GSG1L: variants seen among roughly 807,000 people sequenced by gnomAD.
GSG1L encodes the protein germ cell-specific gene 1-like protein.
In GSG1L, 24 loss-of-function variants were observed where a neutral mutation model predicts 42.1. The observed-to-expected ratio is 0.57, with a 90% confidence interval of 0.41 to 0.80. The LOEUF (loss-of-function observed/expected upper bound fraction) is 0.80, where lower values mean the gene tolerates loss of function less well. Among genes scored for constraint, GSG1L ranks in the 30% least tolerant of loss-of-function variants. The pLI, the probability that GSG1L is intolerant of heterozygous loss-of-function variation, is 0.00. For synonymous variants in GSG1L, 215 were observed against 203.5 expected, an observed-to-expected ratio of 1.06 and a Z score of -0.48; for missense variants, 445 against 472.2, an observed-to-expected ratio of 0.94 and a Z score of 0.53.
chr16:27,996,414 G>A (rs961889759), intron 1 of GSG1L, among the ~76,000 whole-genome samples: 4 of 143,084 alleles, frequency 2.8e-5, no homozygotes, highest in Non-Finnish European at 6.0e-5. Flanking sequence ...TATTTTAATG[G>A]CAAAGGACTG....
At chr16:27,875,588 G>A (rs895487982) in intron 3 of GSG1L, among the ~76,000 whole-genome samples, 1 of 152,188 alleles carries the variant, frequency 6.6e-6, no homozygotes, top group Non-Finnish European at 1.5e-5. Context: ...CTTGTATCAA[G>A]CAGTTCATTT....
chr16:27,926,798 C>T (rs1252355140), intron 2 of GSG1L, among the ~76,000 whole-genome samples: 1 of 152,160 alleles, frequency 6.6e-6, no homozygotes, highest in South Asian at 2.1e-4. Context: ...GAAGGAGTCA[C>T]GTAAGTCAAG....
intron 1 of GSG1L, among the ~76,000 whole-genome samples, chr16:28,053,941 G>A (rs2086249110): frequency 6.6e-6 from 1 of 151,824 alleles, no homozygotes; most frequent in South Asian, 2.1e-4. Context: ...CTCTCTCCTC[G>A]CTCGCTCCCT....
In GSG1L at chr16:27,884,079, G is replaced by T. The variant is rs2083997048; in HGVS notation, c.550+407C>A. On this transcript the variant is annotated intron_variant, in intron 3 of 6. Transcript: ENST00000447459. The surrounding 1 kb of genome is among the most constrained non-coding windows in gnomAD (Gnocchi z 4.4). ...GCGACGTGCCCTCCACCCCAAAGTG[G>T]CTTCTCTTTTACATCCCAGGGAAAG... 6.6e-6 allele frequency among the ~76,000 whole-genome samples: 1 copy of T among 152,186 alleles called. No homozygotes were observed.
At chr16:27,845,828 A>T (rs916726720) in intron 3 of GSG1L, among the ~76,000 whole-genome samples, 1 of 151,902 alleles carries the variant, frequency 6.6e-6, no homozygotes. Flanking sequence ...TTCCTTATCA[A>T]TTGGTAGGAA....
At chr16:27,955,938 AAGGAAGGG>A (rs1388018081) in intron 2 of GSG1L, among the ~76,000 whole-genome samples, 17 of 150,150 alleles carry the variant, frequency 1.1e-4, no homozygotes, top group African/African-American at 4.2e-4. Flanking sequence ...AGAAGGAAGG[AAGGAAGGG>A]AGGAAGGAAG....
chr16:27,809,220 C>T (rs62031096), intron 5 of GSG1L, among the ~76,000 whole-genome samples: 23,882 of 151,924 alleles, frequency 0.16, 2,047 homozygotes, highest in Middle Eastern at 0.21. Context: ...TAGCAAGACC[C>T]TAATCTCTAG....
intron 3 of GSG1L, among the ~76,000 whole-genome samples, chr16:27,846,956 CAAAA>C (rs5816450): frequency 2.6e-5 from 3 of 113,516 alleles, no homozygotes; most frequent in African/African-American, 6.4e-5. Flanking sequence ...GACTCCGTCT[CAAAA>C]AAAAAAAAAA....
chr16:27,819,527 A>G (rs1207076907), intron 5 of GSG1L, among the ~76,000 whole-genome samples: 1 of 152,178 alleles, frequency 6.6e-6, no homozygotes, highest in African/African-American at 2.4e-5. Flanking sequence ...AGACGTGAGG[A>G]TACCTGAGGC....
At chr16:27,896,076 A>T (rs771908577) in intron 2 of GSG1L, among the ~76,000 whole-genome samples, 1 of 152,166 alleles carries the variant, frequency 6.6e-6, no homozygotes, top group African/African-American at 2.4e-5. Context: ...CTGCATTGTC[A>T]TCAGGTCCCT....
At chr16:28,025,672 C>T (rs1253256821) in intron 1 of GSG1L, among the ~76,000 whole-genome samples, 3 of 152,218 alleles carry the variant, frequency 2.0e-5, no homozygotes, top group Non-Finnish European at 4.4e-5. Flanking sequence ...AATAAATGAG[C>T]AAGAGAGAGC....
intron 2 of GSG1L, among the ~76,000 whole-genome samples, chr16:27,941,136 G>GA (rs1394876142): frequency 1.3e-5 from 2 of 151,790 alleles, no homozygotes; most frequent in African/African-American, 4.8e-5. Context: ...GGCATCAAAG[G>GA]AAAAAATAGA....
At chr16:27,928,850 A>G (rs1277732217) in intron 2 of GSG1L, among the ~76,000 whole-genome samples, 2 of 152,230 alleles carry the variant, frequency 1.3e-5, no homozygotes, top group Non-Finnish European at 2.9e-5. Flanking sequence ...AGGGGCTTAG[A>G]GTCTGGCTAA....
At chr16:27,832,268 C>T (rs867158947) in intron 4 of GSG1L, among the ~76,000 whole-genome samples, 14 of 152,136 alleles carry the variant, frequency 9.2e-5, no homozygotes, top group Admixed American at 6.5e-5. Context: ...TAAACTCTTG[C>T]AAAACTAGTG....
chr16:27,893,195 G>T (rs1333819560), intron 2 of GSG1L, among the ~76,000 whole-genome samples: 1 of 152,216 alleles, frequency 6.6e-6, no homozygotes, highest in East Asian at 1.9e-4. Flanking sequence ...GTTGACAACT[G>T]ATCCTGTTAG....
At chr16:27,845,624 C>A (rs1596551397) in intron 3 of GSG1L, among the ~76,000 whole-genome samples, 1 of 152,138 alleles carries the variant, frequency 6.6e-6, no homozygotes, top group African/African-American at 2.4e-5. Flanking sequence ...GTTTTGTAGA[C>A]TTTCCACTCT....
intron 3 of GSG1L, among the ~76,000 whole-genome samples, chr16:27,876,484 G>A (rs929931752): frequency 6.6e-6 from 1 of 152,228 alleles, no homozygotes; most frequent in Non-Finnish European, 1.5e-5. Flanking sequence ...AACTCAGTGA[G>A]CGCATGGCTC....
At chr16:27,863,943 A>G (rs2083685434) in intron 3 of GSG1L, among the ~76,000 whole-genome samples, 1 of 152,200 alleles carries the variant, frequency 6.6e-6, no homozygotes, top group African/African-American at 2.4e-5. Flanking sequence ...TGTAATGGAA[A>G]GTTGTAGGGA....
chr16:27,859,686 T>A (rs181005474), intron 3 of GSG1L, among the ~76,000 whole-genome samples: 16 of 152,338 alleles, frequency 1.1e-4, no homozygotes, highest in African/African-American at 3.8e-4. Flanking sequence ...TTACTTTTTA[T>A]ATTTTGAGAG....
Sources: allele counts gnomAD v4.1 joint callset (sites outside exome capture counted in the v4.1 genomes callset), GRCh38; gene constraint gnomAD v4.1.1; non-coding constraint Gnocchi (gnomAD v3.1); transcripts MANE v1.5; gene names NCBI Gene and HGNC (gene_info 2026-07-23, HGNC 2026-07-21).